Variants in LARP4B observed in about 807,000 individuals in gnomAD.
LARP4B encodes la-related protein 4B.
Under a neutral mutation model 89.8 loss-of-function variants are expected in LARP4B, and 12 were observed. That is an observed-to-expected ratio of 0.13 (90% CI 0.09 to 0.22). The LOEUF is 0.22. LARP4B is among the 10% of genes least tolerant of loss of function. The pLI is 1.00. For missense variants in LARP4B, 757 were observed against 947.7 expected (o/e 0.80, Z 2.64); for synonymous variants, 367 against 363.3 (o/e 1.01, Z -0.12).
chr10:902,023 A>G (rs947140344), intron 1 of LARP4B, among the ~76,000 whole-genome samples: 4 of 152,220 alleles, frequency 2.6e-5, no homozygotes, highest in Admixed American at 6.5e-5. Flanking sequence ...GACACACAAA[A>G]AAAGGACAAC....
chr10:840,206 G>T (rs1297427823), intron 7 of LARP4B, among the ~76,000 whole-genome samples: 1 of 152,108 alleles, frequency 6.6e-6, no homozygotes, highest in Admixed American at 6.5e-5. Context: ...TAAAACTTAC[G>T]AAATGTACAC....
At chr10:935,963 C>T (rs1259120190), upstream of LARP4B, among the ~76,000 whole-genome samples, 3 of 151,244 alleles carry the variant, frequency 2.0e-5, no homozygotes, top group Non-Finnish European at 2.9e-5. Flanking sequence ...AGGCTGGTCT[C>T]GAACTCCTGA....
rs1053941885 is a variant in LARP4B at position 814,315 on chromosome 10, C to G, written c.1929+427G>C. The G allele has an allele frequency of 3.3e-6, 1 of 299,584 alleles. No individual in the cohort carries two copies. The highest frequency in any genetic ancestry group is 2.3e-5 in the African/African-American group (1 of 44,316). 18.6% of individuals were successfully genotyped at this position (299,584 alleles called of 1,614,324 possible). ...CAGCAGAAAGGAAGTCGCTGGGGTT[C>G]AGGCCTGCTGGGCCCACAGGGGTTG... is the stretch of plus-strand genomic sequence containing the variant. On this transcript the variant is annotated intron_variant, in intron 17 of 17. Coordinates refer to ENST00000316157, the MANE Select transcript of LARP4B (RefSeq NM_015155.3). This position sits in a 1 kb window ranked among gnomAD's most constrained non-coding sequence, Gnocchi z 4.4.
the LARP4B span, among the ~76,000 whole-genome samples, chr10:960,606 G>A: frequency 1.3e-5 from 2 of 150,792 alleles, no homozygotes; most frequent in African/African-American, 4.9e-5. Flanking sequence ...TACTCGGGAG[G>A]CTGAGGCAGG....
In LARP4B at chr10:829,669, G is replaced by A; in HGVS notation, c.915+12C>T. ...TGCAAATAAACAAAGTATAACCAATGGTCTTGCTTACCTTAATTGGTTTTC... is the reference window on the plus strand; with the variant it reads ...TGCAAATAAACAAAGTATAACCAATAGTCTTGCTTACCTTAATTGGTTTTC... On this transcript the variant is annotated intron_variant, in intron 10 of 17. Coordinates refer to ENST00000316157, the MANE Select transcript of LARP4B (RefSeq NM_015155.3). The A allele has an allele frequency of 6.2e-7, 1 of 1,611,594 alleles. No individual in the cohort carries two copies. The highest frequency in any genetic ancestry group is 8.5e-7 in the Non-Finnish European group (1 of 1,177,836).
intron 14 of LARP4B, chr10:818,136 G>A: frequency 2.5e-6 from 1 of 392,906 alleles, no homozygotes; most frequent in Non-Finnish European, 4.6e-6. Flanking sequence ...AGGCTAAGGT[G>A]ACATCCAAAG....
chr10:932,094 C>T (rs2132077966), upstream of LARP4B, among the ~76,000 whole-genome samples: 1 of 151,854 alleles, frequency 6.6e-6, no homozygotes, highest in Non-Finnish European at 1.5e-5. Context: ...CCGCGTGCGC[C>T]CCTTAAAGAC....
chr10:836,628 G>A, intron 7 of LARP4B, 122 bp from the exon 8 acceptor site: 1 of 628,318 alleles, frequency 1.6e-6, no homozygotes, highest in South Asian at 2.2e-5. Context: ...AATGGGCAAA[G>A]TAAACCAATC....
At chr10:966,836 C>G in the LARP4B span, among the ~76,000 whole-genome samples, 1 of 152,144 alleles carries the variant, frequency 6.6e-6, no homozygotes, top group African/African-American at 2.4e-5. Flanking sequence ...CCCCTCACCC[C>G]CACTGTGGCT....
intron 5 of LARP4B, among the ~76,000 whole-genome samples, chr10:861,381 TG>T (rs1834606987): frequency 6.6e-6 from 1 of 152,318 alleles, no homozygotes; most frequent in East Asian, 1.9e-4. Context: ...GGGGTATACC[TG>T]AAGTATATGA....
chr10:895,668 A>G (rs1238691991), intron 1 of LARP4B, among the ~76,000 whole-genome samples: 3 of 149,814 alleles, frequency 2.0e-5, no homozygotes, highest in Admixed American at 6.6e-5. Flanking sequence ...GCAAGAGTCC[A>G]TCTCAAAAAA....
chr10:820,853 A>G lies in LARP4B; in HGVS notation c.1485-8T>C. 1 of 1,612,684 alleles carries G rather than the reference A, an allele frequency of 6.2e-7. No individual in the cohort carries two copies. The highest frequency in any genetic ancestry group is 8.5e-7 in the Non-Finnish European group (1 of 1,179,472). On this transcript the variant is annotated splice_region_variant and splice_polypyrimidine_tract_variant and intron_variant, in intron 13 of 17. Coordinates refer to ENST00000316157, the MANE Select transcript of LARP4B (RefSeq NM_015155.3). The stretch of plus-strand genomic sequence containing the variant: ...TAGCCAAAGGAATTCTTCCTAGAGG[A>G]GTGGAAAGTGAAAGACTGTTATTTT...
At chr10:860,237 G>C (rs1438196132) in intron 5 of LARP4B, among the ~76,000 whole-genome samples, 1 of 152,184 alleles carries the variant, frequency 6.6e-6, no homozygotes, top group Admixed American at 6.5e-5. Flanking sequence ...ATGTTTGATA[G>C]CATTAGTCCT....
chr10:947,632 GTTTTT>G, the LARP4B span, among the ~76,000 whole-genome samples: 2 of 152,082 alleles, frequency 1.3e-5, no homozygotes, highest in African/African-American at 4.8e-5. Context: ...GTTTTGTTTT[GTTTTT>G]TGAGACAGAG....
At chr10:833,615 G>C (rs180983608) in intron 8 of LARP4B, among the ~76,000 whole-genome samples, 1 of 152,176 alleles carries the variant, frequency 6.6e-6, no homozygotes. Flanking sequence ...AATTGGGCCC[G>C]GTGCGGTGGC....
At chr10:886,970 T>C (rs1393363394) in intron 1 of LARP4B, among the ~76,000 whole-genome samples, 3 of 152,084 alleles carry the variant, frequency 2.0e-5, no homozygotes, top group Non-Finnish European at 2.9e-5. Flanking sequence ...ATGCCTGTAA[T>C]CCCAGCTACT....
chr10:821,733 C>T (rs1186882504), intron 13 of LARP4B, among the ~76,000 whole-genome samples: 2 of 152,248 alleles, frequency 1.3e-5, no homozygotes, highest in Admixed American at 6.5e-5. Flanking sequence ...GATGGCCTAA[C>T]AGTGGAAAAC....
chr10:927,174 C>T (rs1837164913), intron 1 of LARP4B, among the ~76,000 whole-genome samples: 1 of 152,036 alleles, frequency 6.6e-6, no homozygotes, highest in Admixed American at 6.6e-5. Flanking sequence ...CACTGAACTG[C>T]AAATCCTTTA....
chr10:813,422 T>G (rs1564374892), intron 17 of LARP4B, among the ~76,000 whole-genome samples: 1 of 152,218 alleles, frequency 6.6e-6, no homozygotes. Context: ...TAGTAATGGA[T>G]AAAATTAGAA....
Sources: gnomAD v4.1 joint callset for allele counts (sites outside exome capture counted in the v4.1 genomes callset) on GRCh38, gnomAD v4.1.1 for gene constraint, Gnocchi (gnomAD v3.1) non-coding constraint, MANE v1.5 for transcripts, NCBI Gene and HGNC (gene_info 2026-07-23, HGNC 2026-07-21) for gene names.